Variants in TEC observed in about 807,000 individuals in gnomAD.
TEC encodes tec protein tyrosine kinase, also known as tyrosine-protein kinase Tec.
TEC carries 72 observed loss-of-function variants against 93.0 expected under a neutral mutation model. The ratio of observed to expected loss-of-function variants is 0.77; its 90% CI spans 0.64 to 0.94. TEC has a LOEUF of 0.94. Among genes scored for constraint, TEC ranks in the 40% least tolerant of loss-of-function variants. The pLI is 0.00. For missense variants in TEC, 630 were observed against 757.9 expected (o/e 0.83, Z 1.98); for synonymous variants, 249 against 247.7 (o/e 1.01, Z -0.05).
At chr4:48,236,282 T>C (rs1325503384) in intron 1 of TEC, among the ~76,000 whole-genome samples, 1 of 152,054 alleles carries the variant, frequency 6.6e-6, no homozygotes, top group Non-Finnish European at 1.5e-5. Flanking sequence ...CAAACAGCTT[T>C]TTTTTTTGTT....
intron 8 of TEC, among the ~76,000 whole-genome samples, chr4:48,160,847 G>T (rs796140391): frequency 1.4e-5 from 1 of 71,772 alleles, no homozygotes; most frequent in Non-Finnish European, 3.0e-5. Context: ...GGGAGAGAGG[G>T]AGGGAGGAAG....
intron 1 of TEC, among the ~76,000 whole-genome samples, chr4:48,242,241 A>T (rs1723940481): frequency 6.6e-6 from 1 of 152,240 alleles, no homozygotes; most frequent in Non-Finnish European, 1.5e-5. Context: ...ATTCCATTAC[A>T]TATCAATTTC....
intron 2 of TEC, among the ~76,000 whole-genome samples, chr4:48,184,800 CACACACAT>C (rs1489254015): frequency 6.6e-6 from 1 of 151,564 alleles, no homozygotes; most frequent in African/African-American, 2.4e-5. Context: ...CACACACACA[CACACACAT>C]TAAATATTAT....
intron 1 of TEC, among the ~76,000 whole-genome samples, chr4:48,253,018 T>C (rs1207205362): frequency 6.6e-6 from 1 of 152,198 alleles, no homozygotes; most frequent in Non-Finnish European, 1.5e-5. Flanking sequence ...GTGAATCATA[T>C]AGAATGCAGC....
intron 2 of TEC, among the ~76,000 whole-genome samples, chr4:48,184,034 T>C (rs1721702479): frequency 6.6e-6 from 1 of 152,170 alleles, no homozygotes; most frequent in South Asian, 2.1e-4. Context: ...TTATGGACTT[T>C]TATTATTAAA....
rs1423545222 is a variant in TEC at position 48,192,263 on chromosome 4, TAA to T, written c.139-16079_139-16078del. 2.6e-5 allele frequency among the ~76,000 whole-genome samples: 4 copies of T among 152,356 alleles called. No homozygotes were observed. The East Asian group carries it at 7.7e-4, about 29-fold the overall frequency. On this transcript the variant is annotated intron_variant, in intron 2 of 17. Transcript: ENST00000381501. ...AGTCTAAAAAAGAGTACCTGCTATA[TAA>T]GTTTGTTTATTCTAGAATTCTAGAA...
At chr4:48,227,041 C>T in intron 2 of TEC, among the ~76,000 whole-genome samples, 1 of 152,174 alleles carries the variant, frequency 6.6e-6, no homozygotes. Context: ...TTTCTGCACA[C>T]ATAGACATGT....
At chr4:48,199,587 G>A (rs1052728598) in intron 2 of TEC, among the ~76,000 whole-genome samples, 9 of 139,812 alleles carry the variant, frequency 6.4e-5, no homozygotes, top group East Asian at 2.2e-4. Flanking sequence ...CTGCCTCAGC[G>A]TCCCGAGTAG....
intron 1 of TEC, among the ~76,000 whole-genome samples, chr4:48,263,877 G>C (rs1362544822): frequency 1.3e-5 from 2 of 152,126 alleles, no homozygotes; most frequent in Non-Finnish European, 2.9e-5. Flanking sequence ...CGGCTCAGCG[G>C]CCCAGCCTGA....
chr4:48,212,110 A>AAAAAAAAAAAAAAATAT, intron 2 of TEC, among the ~76,000 whole-genome samples: 6 of 122,252 alleles, frequency 4.9e-5, no homozygotes, highest in Admixed American at 4.0e-4. Context: ...AAAAAAAAAA[A>AAAAAAAAAAAAAAATAT]ATATATATAT....
chr4:48,236,202 A>C (rs899066635), intron 1 of TEC, among the ~76,000 whole-genome samples: 10 of 152,228 alleles, frequency 6.6e-5, no homozygotes, highest in African/African-American at 2.4e-4. Context: ...TTGATGTTCT[A>C]AATTTTAAAA....
chr4:48,176,604 C>A (rs1721337526), intron 2 of TEC, among the ~76,000 whole-genome samples: 1 of 152,122 alleles, frequency 6.6e-6, no homozygotes, highest in Non-Finnish European at 1.5e-5. Flanking sequence ...CGCCTGTAAT[C>A]CCAGCTACTC....
intron 3 of TEC, among the ~76,000 whole-genome samples, chr4:48,172,302 G>T (rs1721145722): frequency 1.3e-5 from 2 of 152,084 alleles, no homozygotes. Flanking sequence ...GTTAATACAT[G>T]GCTAGAAACC....
intron 2 of TEC, among the ~76,000 whole-genome samples, chr4:48,225,156 C>T (rs1436374802): frequency 6.6e-6 from 1 of 151,904 alleles, no homozygotes; most frequent in African/African-American, 2.4e-5. Flanking sequence ...ACTCATGTCA[C>T]ATCCTTTTTT....
Position 48,168,618 on chromosome 4 carries a change from T to C in TEC, c.463A>G (p.Lys155Glu). 1 of 1,600,696 alleles carries C rather than the reference T, an allele frequency of 6.2e-7. No individual in the cohort carries two copies. ...KYNLFESSIR[K>E]ALPPAPETKK... ...GTTTCTGGTGCTGGAGGTAGTGCTT[T>C]TCTTATACCTGAAAATGCCAACAAC... is the stretch of plus-strand genomic sequence containing the variant. The change falls in exon 6 of 18, where the codon AAA becomes GAA. Residue 155 changes from lysine to glutamate, a missense_variant. Coordinates refer to ENST00000381501, the MANE Select transcript of TEC (RefSeq NM_003215.3).
chr4:48,199,598 CT>C (rs58194241), intron 2 of TEC, among the ~76,000 whole-genome samples: 14,066 of 150,626 alleles, frequency 0.093, 723 homozygotes, highest in South Asian at 0.18. Flanking sequence ...TCCCGAGTAG[CT>C]GGGACTACAG....
intron 2 of TEC, among the ~76,000 whole-genome samples, chr4:48,177,804 A>T (rs1721390567): frequency 6.6e-6 from 1 of 152,024 alleles, no homozygotes; most frequent in South Asian, 2.1e-4. Context: ...TTCTTGTGAC[A>T]GTGAGTGAGT....
At chr4:48,178,288 A>G (rs899177487) in intron 2 of TEC, among the ~76,000 whole-genome samples, 2 of 152,156 alleles carry the variant, frequency 1.3e-5, no homozygotes, top group African/African-American at 4.8e-5. Context: ...TTTACAGAGG[A>G]GACAGCAGTT....
chr4:48,180,177 T>C (rs576514092), intron 2 of TEC, among the ~76,000 whole-genome samples: 40 of 152,258 alleles, frequency 2.6e-4, no homozygotes, highest in Admixed American at 1.9e-3. Context: ...TTAAAAGCAA[T>C]GGCAAAAGCT....
Sources: gnomAD v4.1 joint callset for allele counts (sites outside exome capture counted in the v4.1 genomes callset) on GRCh38, gnomAD v4.1.1 for gene constraint, MANE v1.5 for transcripts, NCBI Gene and HGNC (gene_info 2026-07-23, HGNC 2026-07-21) for gene names.